FER1L6: variants seen among roughly 807,000 people sequenced by gnomAD.
FER1L6 encodes fer-1 like family member 6.
FER1L6 carries 177 observed loss-of-function variants against 219.2 expected under a neutral mutation model. That is an observed-to-expected ratio of 0.81 (90% CI 0.71 to 0.91). The LOEUF (loss-of-function observed/expected upper bound fraction) is 0.91. Ranked by LOEUF, FER1L6 falls within the 40% of genes least tolerant of loss-of-function variation. FER1L6 has a pLI of 0.00. For synonymous variants in FER1L6, 768 were observed against 824.3 expected (o/e 0.93, Z 1.17); for missense variants, 2,153 against 2,259.9 (o/e 0.95, Z 0.96).
Position 124,116,516 on chromosome 8 carries a change from C to T in FER1L6, c.5290-2328C>T, listed in dbSNP as rs115930934. Among the ~76,000 whole-genome samples, 1,412 of 152,040 alleles carry T rather than the reference C, an allele frequency of 9.3e-3. 22 individuals are homozygous for T. Among genetic ancestry groups the T allele is most frequent in the African/African-American group, 0.032 (1,330 of 41,392 alleles). ...AAAAGGGCGTGCATGAAACACCATG[C>T]AAGTTATAAAGTGCTATAGCCAAAA... On this transcript the variant is annotated intron_variant, in intron 39 of 40. Transcript: ENST00000522917.
intron 18 of FER1L6, among the ~76,000 whole-genome samples, chr8:124,033,914 A>C (rs997277750): frequency 3.3e-5 from 5 of 152,202 alleles, no homozygotes; most frequent in Non-Finnish European, 4.4e-5. Flanking sequence ...AGGGAGGGCC[A>C]GGACTGAGTC....
chr8:123,855,760 ATGTGTGTGTATATATATGTG>A (rs1040493577), intron 1 of FER1L6, among the ~76,000 whole-genome samples: 1 of 144,680 alleles, frequency 6.9e-6, no homozygotes, highest in Non-Finnish European at 1.5e-5. Context: ...GTGTATATAT[ATGTGTGTGTATATATATGTG>A]TGTGTGTGTA....
chr8:124,049,862 A>G (rs1819925745), intron 22 of FER1L6, 106 bp downstream of exon 22: 2 of 1,157,536 alleles, frequency 1.7e-6, no homozygotes, highest in African/African-American at 1.5e-5. Context: ...CCCTCGCTGC[A>G]ATCCCACATC....
chr8:124,008,706 G>A (rs1243237253), intron 13 of FER1L6, among the ~76,000 whole-genome samples: 1 of 152,162 alleles, frequency 6.6e-6, no homozygotes, highest in African/African-American at 2.4e-5. Context: ...CCCACAGAGT[G>A]GGAGAAAATC....
intron 1 of FER1L6, among the ~76,000 whole-genome samples, chr8:123,954,094 A>G (rs989574375): frequency 1.3e-4 from 20 of 152,226 alleles, no homozygotes; most frequent in African/African-American, 4.8e-4. Context: ...ATTTTATTCT[A>G]ACAATCCTGT....
intron 39 of FER1L6, among the ~76,000 whole-genome samples, chr8:124,104,170 T>C (rs188929121): frequency 6.6e-6 from 1 of 152,326 alleles, no homozygotes; most frequent in Admixed American, 6.5e-5. Context: ...CCATTCTTAA[T>C]TGGATCCCCT....
intron 32 of FER1L6, among the ~76,000 whole-genome samples, chr8:124,080,269 G>C (rs551052788): frequency 2.0e-5 from 3 of 152,196 alleles, no homozygotes; most frequent in Admixed American, 2.0e-4. Flanking sequence ...TTGGTATAAG[G>C]CTAATTTTTC....
In FER1L6 at chr8:124,094,717, C is replaced by A. The variant is rs2130958173; in HGVS notation, c.4553-179C>A. 3.3e-5 allele frequency among the ~76,000 whole-genome samples: 5 copies of A among 152,268 alleles called. No homozygotes were observed. The South Asian group carries it at 1.0e-3, about 32-fold the overall frequency. On this transcript the variant is annotated intron_variant, in intron 34 of 40. Transcript: ENST00000522917. ...GGCCAGGCTCATCTTGAACTCCTGACCTCAAGTGATCTACCCACCTTGGCC... is the reference window on the plus strand; with the variant it reads ...GGCCAGGCTCATCTTGAACTCCTGAACTCAAGTGATCTACCCACCTTGGCC...
In FER1L6 at chr8:123,853,093, C is replaced by T. The variant is rs1816544883; in HGVS notation, c.-8+908C>T. Among the ~76,000 whole-genome samples, 1 of 152,198 alleles carries T rather than the reference C, an allele frequency of 6.6e-6. No individual in the cohort carries two copies. The highest frequency in any genetic ancestry group is 2.1e-4 in the South Asian group (1 of 4,834). On this transcript the variant is annotated intron_variant, in intron 1 of 40. Coordinates refer to ENST00000522917, the MANE Select transcript of FER1L6 (RefSeq NM_001039112.2). The surrounding 1 kb of genome is among the most constrained non-coding windows in gnomAD (Gnocchi z 6.6). ...TCCTGGGCTCAAGCGATCCTCCTGC[C>T]TCAGCCTTCCAAAGTGCTCGGATTA...
intron 24 of FER1L6, 31 bp from the exon 25 acceptor site, chr8:124,061,821 G>GC: frequency 1.2e-6 from 2 of 1,610,298 alleles, no homozygotes; most frequent in East Asian, 4.5e-5. Flanking sequence ...GGGTCACCAG[G>GC]CCCCTTCTTC....
At chr8:124,079,151 GT>G (rs1421971500) in intron 32 of FER1L6, among the ~76,000 whole-genome samples, 19 of 152,076 alleles carry the variant, frequency 1.2e-4, no homozygotes, top group African/African-American at 4.6e-4. Context: ...TCTGTGCCAA[GT>G]TTTCCTCTTT....
intron 33 of FER1L6, among the ~76,000 whole-genome samples, chr8:124,089,561 T>G (rs910344489): frequency 1.3e-5 from 2 of 152,238 alleles, no homozygotes; most frequent in African/African-American, 2.4e-5. Context: ...TACAAATATT[T>G]TGAATGCTGC....
chr8:124,021,860 T>TG (rs928199417), intron 17 of FER1L6, among the ~76,000 whole-genome samples, 191 bp downstream of exon 17: 2 of 151,830 alleles, frequency 1.3e-5, no homozygotes, highest in African/African-American at 4.8e-5. Context: ...TATTCATTTT[T>TG]TTTTCACAAA....
chr8:123,971,325 T>C (rs1426815129), intron 6 of FER1L6, among the ~76,000 whole-genome samples: 2 of 152,178 alleles, frequency 1.3e-5, no homozygotes, highest in African/African-American at 4.8e-5. Flanking sequence ...ATCTTAAGGT[T>C]TGAATTTCAG....
At chr8:124,074,445 C>T (rs951932073) in intron 31 of FER1L6, among the ~76,000 whole-genome samples, 3 of 151,998 alleles carry the variant, frequency 2.0e-5, no homozygotes, top group African/African-American at 4.8e-5. Context: ...ATTGCTTGAG[C>T]TCAGGAGTTT....
chr8:123,962,730 C>T (rs895988230), intron 2 of FER1L6, among the ~76,000 whole-genome samples: 3 of 152,182 alleles, frequency 2.0e-5, no homozygotes, highest in Non-Finnish European at 2.9e-5. Context: ...TGGGTTCAAG[C>T]GTTGCTCCTG....
Position 123,976,010 on chromosome 8 carries a change from G to T in FER1L6, c.796G>T (p.Val266Phe), listed in dbSNP as rs200724975. 1.9e-6 allele frequency: 3 copies of T among 1,613,956 alleles called. No homozygotes were observed. Among genetic ancestry groups the T allele is most frequent in the Non-Finnish European group, 2.5e-6 (3 of 1,179,966 alleles). ...PKMNSSIMAN[V>F]TKAFVGDSKD... is the part of the protein sequence containing the mutation. ...AATGAATTCAAGCATCATGGCGAACGTCACCAAGGCATTTGTGGGTGACAG... is the reference window on the plus strand; with the variant it reads ...AATGAATTCAAGCATCATGGCGAACTTCACCAAGGCATTTGTGGGTGACAG... Residue 266 changes from valine to phenylalanine, a missense_variant, in exon 9 of 41, where the codon GTC becomes TTC. By Grantham distance (50) the Val-to-Phe change is conservative. Coordinates refer to ENST00000522917, the MANE Select transcript of FER1L6 (RefSeq NM_001039112.2).
In FER1L6 at chr8:124,091,577, G is replaced by T; in HGVS notation, c.4546G>T (p.Asp1516Tyr). Residue 1516 changes from aspartate (D) to tyrosine (Y), a missense_variant, in exon 34 of 41, where the codon GAC (aspartate) becomes TAC (tyrosine). By Grantham distance (160) the Asp-to-Tyr change is radical. Transcript: ENST00000522917. Reference sequence around the variant, plus strand: ...TGGAAAAACTATCTTCACTGAAGAGGACACTGGTAACTCCCTGCAAAATAT... The same window carrying T: ...TGGAAAAACTATCTTCACTGAAGAGTACACTGGTAACTCCCTGCAAAATAT... Reference protein sequence around the residue: ...FSGKTIFTEEDTDETVESYEH... With the variant: ...FSGKTIFTEEYTDETVESYEH... The T allele has an allele frequency of 6.2e-7, 1 of 1,613,650 alleles. No individual in the cohort carries two copies.
intron 1 of FER1L6, among the ~76,000 whole-genome samples, chr8:123,951,471 A>G (rs1364703745): frequency 1.3e-5 from 2 of 152,208 alleles, no homozygotes; most frequent in East Asian, 3.9e-4. Context: ...ATTCTGCAAC[A>G]CAACTGCTTC....
Sources: allele counts gnomAD v4.1 joint callset (sites outside exome capture counted in the v4.1 genomes callset), GRCh38; gene constraint gnomAD v4.1.1; non-coding constraint Gnocchi (gnomAD v3.1); transcripts MANE v1.5; gene names NCBI Gene and HGNC (gene_info 2026-07-23, HGNC 2026-07-21).